PHKG1: variants seen among roughly 807,000 people sequenced by gnomAD.
The protein encoded by PHKG1 is phosphorylase b kinase gamma catalytic chain, skeletal muscle/heart isoform.
In PHKG1, 48 loss-of-function variants were observed where a neutral mutation model predicts 50.5. That is an observed-to-expected ratio of 0.95 (90% CI 0.75 to 1.21). The LOEUF (loss-of-function observed/expected upper bound fraction) is 1.21. PHKG1 is among the 50% of genes most tolerant of loss of function. PHKG1 has a pLI of 0.00. For missense variants in PHKG1, 487 were observed against 519.5 expected (o/e 0.94, Z 0.61); for synonymous variants, 204 against 212.8 (o/e 0.96, Z 0.36).
chr7:56,087,988 T>C (rs1011648670), intron 2 of PHKG1, among the ~76,000 whole-genome samples: 2 of 141,814 alleles, frequency 1.4e-5, no homozygotes, highest in African/African-American at 2.6e-5. Flanking sequence ...TCTCAGGCCG[T>C]GTGACTCTTT....
rs775725799 is a variant in PHKG1 at position 56,080,871 on chromosome 7, G to A, written c.*183C>T. On this transcript the variant is annotated 3_prime_UTR_variant, in exon 10 of 10. Coordinates refer to ENST00000297373, the MANE Select transcript of PHKG1 (RefSeq NM_006213.5). ...CAGCCTGCAGGTATTGCTGTGTGGT[G>A]GGAACACCCACTTCCCTTGTGCACA... 7 of 694,500 alleles carry A rather than the reference G, an allele frequency of 1.0e-5. No homozygotes were observed. Among genetic ancestry groups the A allele is most frequent in the Non-Finnish European group, 1.7e-5 (7 of 423,134 alleles). The allele number at this position is 694,500 out of a possible 1,614,324, so 43.0% of individuals were successfully genotyped here. A position where few individuals can be genotyped will look rare whatever the true frequency, so the allele number is the denominator to read the frequency against.
chr7:56,087,835 A>G, intron 2 of PHKG1, 59 bp from the exon 3 acceptor site: 2 of 1,381,854 alleles, frequency 1.4e-6, no homozygotes, highest in South Asian at 2.3e-5. Context: ...GGGGTCCCAG[A>G]TTAGAGGCTG....
chr7:56,081,154 T>C lies in PHKG1; in HGVS notation c.1064A>G (p.Tyr355Cys). The part of the protein sequence containing the change: ...RLIDAYAFRI[Y>C]GHWVKKGQQQ... ...CTGCCCCTTCTTCACCCAGTGGCCA[T>C]AGATTCGGAAAGCGTAGGCGTCGAT... The change falls in exon 10 of 10, where the codon TAT becomes TGT. Residue 355 changes from tyrosine to cysteine, a missense_variant. Physicochemically the swap from Tyr to Cys is radical, Grantham distance 194. Coordinates refer to ENST00000297373, the MANE Select transcript of PHKG1 (RefSeq NM_006213.5). This position sits in a 1 kb window ranked among gnomAD's most constrained non-coding sequence, Gnocchi z 4.6. 1.2e-6 allele frequency: 2 copies of C among 1,613,726 alleles called. No individual in the cohort carries two copies. The highest frequency in any genetic ancestry group is 1.3e-5 in the African/African-American group (1 of 74,982).
chr7:56,088,942 G>T lies in PHKG1; in HGVS notation c.-1C>A. 6.2e-7 allele frequency: 1 copy of T among 1,609,922 alleles called. No individual in the cohort carries two copies. The highest frequency in any genetic ancestry group is 8.5e-7 in the Non-Finnish European group (1 of 1,176,462). ...CCGGCAGTGCCTCGTCCCGGGTCAT[G>T]CTCAGATCTTCAGTGAGGGAACTCT... On this transcript the variant is annotated 5_prime_UTR_variant, in exon 2 of 10. Transcript: ENST00000297373.
At chr7:56,082,730 T>C (rs1796070963) in intron 6 of PHKG1, among the ~76,000 whole-genome samples, 1 of 152,186 alleles carries the variant, frequency 6.6e-6, no homozygotes, top group African/African-American at 2.4e-5. Flanking sequence ...CACCAGCTCA[T>C]GGCCCATTGC....
chr7:56,087,610 G>T lies in PHKG1; in HGVS notation c.250C>A (p.His84Asn). 6.2e-7 allele frequency: 1 copy of T among 1,613,284 alleles called. No homozygotes were observed. The highest frequency in any genetic ancestry group is 2.2e-5 in the East Asian group (1 of 44,862). Residue 84 changes from histidine (H) to asparagine (N), a missense_variant, in exon 3 of 10, where the codon CAC becomes AAC. Transcript: ENST00000297373. ...EVDILRKVSG[H>N]PNIIQLKDTY... The stretch of plus-strand genomic sequence containing the variant: ...GGCCATCACTCACTGATGTTGGGGT[G>T]CCCTGAGACCTTGCGCAGGATGTCC...
intron 6 of PHKG1, 82 bp downstream of exon 6, chr7:56,083,196 A>C (rs1250148493): frequency 5.4e-5 from 68 of 1,258,558 alleles, no homozygotes; most frequent in Non-Finnish European, 6.8e-5. Flanking sequence ...AAGTTAGGGG[A>C]GAAACCCAGA....
chr7:56,082,333 C>T (rs1299036108), intron 6 of PHKG1, 80 bp from the exon 7 acceptor site: 1 of 1,115,992 alleles, frequency 9.0e-7, no homozygotes, highest in African/African-American at 1.5e-5. Flanking sequence ...TGGCTCATTT[C>T]TATAATCCTA....
chr7:56,086,772 T>C, intron 4 of PHKG1, 198 bp downstream of exon 4: 1 of 582,104 alleles, frequency 1.7e-6, no homozygotes, highest in South Asian at 2.2e-5. Context: ...AAAGAAATGA[T>C]CCAGCCCACA....
At position 56,083,725 on chromosome 7, in the gene PHKG1, C is replaced by CAG. The variant is rs757644709; in HGVS notation, c.318-12_318-11dup. 6.4e-7 allele frequency: 1 copy of CAG among 1,564,432 alleles called. No homozygotes were observed. Among genetic ancestry groups the CAG allele is most frequent in the Admixed American group, 1.8e-5 (1 of 54,514 alleles). ...CTCCCCTCTCTTCATCCTGTGGAAA[C>CAG]AGAGGGTTGATAGCTGGATCGGTCC... On this transcript the variant is annotated splice_polypyrimidine_tract_variant and intron_variant, in intron 4 of 9. Transcript: ENST00000297373.
Position 56,083,379 on chromosome 7 carries a change from C to G in PHKG1, c.446G>C (p.Arg149Pro). 1.2e-6 allele frequency: 2 copies of G among 1,614,106 alleles called. No individual in the cohort carries two copies. Among genetic ancestry groups the G allele is most frequent in the Non-Finnish European group, 1.7e-6 (2 of 1,180,004 alleles). ...CTLHKLNIVH[R>P]DLKPENILLD... is the part of the protein sequence containing the mutation. ...GAGAATGTTCTCGGGCTTCAGGTCC[C>G]GGTGCACGATGTTGAGTTTGTGCAA... Residue 149 changes from arginine to proline, a missense_variant, in exon 6 of 10, where the codon CGG (arginine) becomes CCG (proline). Arg to Pro is a moderately radical substitution (Grantham distance 103). Coordinates refer to ENST00000297373, the MANE Select transcript of PHKG1 (RefSeq NM_006213.5).
chr7:56,087,560 G>C (rs754470174), intron 3 of PHKG1, 38 bp downstream of exon 3: 4 of 1,592,254 alleles, frequency 2.5e-6, no homozygotes, highest in African/African-American at 1.3e-5. Flanking sequence ...AGAATCACAG[G>C]GGGGCACCCT....
At chr7:56,090,131 G>A (rs1366855092) in intron 1 of PHKG1, among the ~76,000 whole-genome samples, 2 of 151,776 alleles carry the variant, frequency 1.3e-5, no homozygotes, top group African/African-American at 4.8e-5. Flanking sequence ...GGTGTTTTTT[G>A]TGGAGACGGA....
At position 56,081,805 on chromosome 7, in the gene PHKG1, A is replaced by G. The variant is rs775024499; in HGVS notation, c.793-50T>C. 22 of 1,607,292 alleles carry G rather than the reference A, an allele frequency of 1.4e-5. No individual in the cohort carries two copies. In the East Asian group the frequency reaches 4.7e-4, roughly 34 times the overall value. ...GAGAATGTCAAGGCAGGTCCCCTCCAGCATGTCAGGAAAGGCAGGGCCTCC... is the reference window on the plus strand; with the variant it reads ...GAGAATGTCAAGGCAGGTCCCCTCCGGCATGTCAGGAAAGGCAGGGCCTCC... On this transcript the variant is annotated intron_variant, in intron 8 of 9. Coordinates refer to ENST00000297373, the MANE Select transcript of PHKG1 (RefSeq NM_006213.5). The surrounding 1 kb of genome is among the most constrained non-coding windows in gnomAD (Gnocchi z 4.6).
Position 56,081,515 on chromosome 7 carries a change from G to A in PHKG1, c.918+115C>T. Reference sequence around the variant, plus strand: ...TTTGAAGCCATCACAGGGCAGCTGGGAGGGGAGGGATGGGTACTCTGGAAA... The same window carrying A: ...TTTGAAGCCATCACAGGGCAGCTGGAAGGGGAGGGATGGGTACTCTGGAAA... On this transcript the variant is annotated intron_variant, in intron 9 of 9. Transcript: ENST00000297373. This position sits in a 1 kb window ranked among gnomAD's most constrained non-coding sequence, Gnocchi z 4.6. 3 of 1,330,410 alleles carry A rather than the reference G, an allele frequency of 2.3e-6. No individual in the cohort carries two copies. The South Asian group carries it at 3.9e-5, about 17-fold the overall frequency. 82.4% of individuals were successfully genotyped at this position (1,330,410 alleles called of 1,614,324 possible).
rs1170715381 is a variant in PHKG1 at position 56,087,635 on chromosome 7, C to T, written c.225G>A (p.Val75=). ...GCCCTGAGACCTTGCGCAGGATGTCCACCTCCTTCAGCGTGGCTTCTCGCA... is the reference window on the plus strand; with the variant it reads ...GCCCTGAGACCTTGCGCAGGATGTCTACCTCCTTCAGCGTGGCTTCTCGCA... ...RELREATLKE[V]DILRKVSGHP... is the part of the protein sequence containing the mutation. Residue 75 remains valine (V), a synonymous_variant, in exon 3 of 10, where the codon GTG becomes GTA. Coordinates refer to ENST00000297373, the MANE Select transcript of PHKG1 (RefSeq NM_006213.5). 1.9e-6 allele frequency: 3 copies of T among 1,613,946 alleles called. No individual in the cohort carries two copies. Among genetic ancestry groups the T allele is most frequent in the East Asian group, 2.2e-5 (1 of 44,860 alleles).
chr7:56,086,781 CAAGTGGTGAACCCAGGT>C (rs1796269929), intron 4 of PHKG1, 172 bp downstream of exon 4: 3 of 599,074 alleles, frequency 5.0e-6, no homozygotes, highest in African/African-American at 3.7e-5. Flanking sequence ...ATCCAGCCCA[CAAGTGGTGAACCCAGGT>C]TTCCAAAGCC....
At position 56,088,846 on chromosome 7, in the gene PHKG1, G is replaced by T. The variant is rs1313860455; in HGVS notation, c.83+13C>A. The T allele has an allele frequency of 5.6e-6, 9 of 1,598,914 alleles. No homozygotes were observed. Among genetic ancestry groups the T allele is most frequent in the Non-Finnish European group, 7.7e-6 (9 of 1,167,384 alleles). On this transcript the variant is annotated intron_variant, in intron 2 of 9. Transcript: ENST00000297373. Reference sequence around the variant, plus strand: ...CCTAGGACAGCACTTCGTGGGGAAAGCTTGGGCTTTACCTGCCCAGGATCT... The same window carrying T: ...CCTAGGACAGCACTTCGTGGGGAAATCTTGGGCTTTACCTGCCCAGGATCT...
At position 56,082,171 on chromosome 7, in the gene PHKG1, C is replaced by T. The variant is rs1342466574; in HGVS notation, c.630G>A (p.Glu210=). The T allele has an allele frequency of 3.1e-6, 5 of 1,613,968 alleles. No homozygotes were observed. In the South Asian group the frequency reaches 4.4e-5, roughly 14 times the overall value. ...TTTCCCGGCGCACTCACATGTCCAC[C>T]TCTTTCCCGTAGCCCGGGTGGTCCT... The part of the protein sequence containing the change: ...MNEDHPGYGK[E]VDMWSTGVIM... The change falls in exon 7 of 10, where the codon GAG becomes GAA. Residue 210 remains glutamate (E), a synonymous_variant. Transcript: ENST00000297373.
Sources: allele counts gnomAD v4.1 joint callset (sites outside exome capture counted in the v4.1 genomes callset), GRCh38; gene constraint gnomAD v4.1.1; non-coding constraint Gnocchi (gnomAD v3.1); transcripts MANE v1.5; gene names NCBI Gene and HGNC (gene_info 2026-07-23, HGNC 2026-07-21).